PLCXD1: variants seen among roughly 807,000 people sequenced by gnomAD.
The protein encoded by PLCXD1 is PI-PLC X domain-containing protein 1.
A neutral mutation model predicts 37.8 loss-of-function variants in PLCXD1; 45 were observed. The observed-to-expected ratio is 1.19, with a 90% CI of 0.94 to 1.53. The LOEUF (loss-of-function observed/expected upper bound fraction) is 1.53, where lower values mean the gene tolerates loss of function less well. PLCXD1 is among the 40% of genes most tolerant of loss of function. The pLI, the probability that PLCXD1 is intolerant of heterozygous loss-of-function variation, is 0.00. For missense variants in PLCXD1, 539 were observed against 454.7 expected, an observed-to-expected ratio of 1.19 and a Z score of -1.69; for synonymous variants, 246 against 206.9, an observed-to-expected ratio of 1.19 and a Z score of -1.62.
In PLCXD1 at chrX:288,861, G is replaced by A. The variant is rs367656150; in HGVS notation, c.256G>A (p.Val86Ile). The change falls in exon 3 of 7, where the codon GTC (valine) becomes ATC (isoleucine). Residue 86 changes from valine (V) to isoleucine (I), a missense_variant. Val to Ile is a conservative substitution (Grantham distance 29, BLOSUM62 3). Coordinates refer to ENST00000381657, the MANE Select transcript of PLCXD1 (RefSeq NM_018390.4). Reference protein sequence around the residue: ...ITRPVVLKWSVTQALDVTEQL... With the variant: ...ITRPVVLKWSITQALDVTEQL... ...GCGCCCTGTCGTGCTGAAATGGTCC[G>A]TCACCCAGGTACGGTCTGTGCCCCG... The A allele has an allele frequency of 4.3e-5, 70 of 1,612,496 alleles. No homozygotes were observed. In the African/African-American group the frequency reaches 5.3e-4, roughly 12 times the overall value.
chrX:287,444 CTATA>C (rs998419311), intron 2 of PLCXD1, among the ~76,000 whole-genome samples: 2 of 126,300 alleles, frequency 1.6e-5, no homozygotes, highest in South Asian at 2.4e-4. Flanking sequence ...TATATATACA[CTATA>C]TATGTTTATA....
At chrX:276,746 G>A (rs1032922868), upstream of PLCXD1, among the ~76,000 whole-genome samples, 20 of 152,168 alleles carry the variant, frequency 1.3e-4, no homozygotes, top group Admixed American at 8.5e-4. Flanking sequence ...TCACCCTGCC[G>A]CCGGGGCCTG....
chrX:289,612 C>T (rs967573606), intron 3 of PLCXD1, among the ~76,000 whole-genome samples: 51 of 149,640 alleles, frequency 3.4e-4, no homozygotes, highest in African/African-American at 8.8e-4. Context: ...CCCGGGTTCA[C>T]GCCATTCTCC....
chrX:294,288 C>T (rs2069731779), intron 6 of PLCXD1, among the ~76,000 whole-genome samples: 2 of 152,080 alleles, frequency 1.3e-5, no homozygotes, highest in African/African-American at 2.4e-5. Context: ...CGAGACCATC[C>T]CGGCTAACAT....
In PLCXD1 at chrX:302,898, T is replaced by A. The variant is rs1231844075; in HGVS notation, c.*3563T>A. 6.6e-6 allele frequency: 1 copy of A among 152,138 alleles called. No individual in the cohort carries two copies. Among genetic ancestry groups the A allele is most frequent in the East Asian group, 1.9e-4 (1 of 5,188 alleles). 9.4% of individuals were successfully genotyped at this position (152,138 alleles called of 1,614,324 possible). ...CTATACCTCATTTTCTACATGTCGCTTGTTGGAGCTGCTGGTTCAAGTTCC... is the reference window on the plus strand; with the variant it reads ...CTATACCTCATTTTCTACATGTCGCATGTTGGAGCTGCTGGTTCAAGTTCC... On this transcript the variant is annotated 3_prime_UTR_variant, in exon 7 of 7. Transcript: ENST00000381657.
chrX:293,880 G>C (rs769858372), intron 6 of PLCXD1, among the ~76,000 whole-genome samples: 16 of 152,304 alleles, frequency 1.1e-4, no homozygotes, highest in African/African-American at 3.8e-4. Context: ...GGGGAAATGA[G>C]GACTGACTGC....
chrX:283,272 A>AC (rs1483038712), intron 1 of PLCXD1: 1 of 150,128 alleles, frequency 6.7e-6, no homozygotes, highest in Non-Finnish European at 1.5e-5. Context: ...AAAAAAAAAA[A>AC]ACCAAGGCGA....
At chrX:287,655 TTTATGGATATAGATA>T (rs2069500237) in intron 2 of PLCXD1, among the ~76,000 whole-genome samples, 5 of 104,336 alleles carry the variant, frequency 4.8e-5, no homozygotes, top group Non-Finnish European at 8.8e-5. Flanking sequence ...ACTATATATG[TTTATGGATATAGATA>T]CTATATATCT....
At position 299,220 on chromosome X, in the gene PLCXD1, A is replaced by C; in HGVS notation, c.857A>C (p.Glu286Ala). The C allele has an allele frequency of 6.2e-7, 1 of 1,613,846 alleles. No homozygotes were observed. Among genetic ancestry groups the C allele is most frequent in the Non-Finnish European group, 8.5e-7 (1 of 1,179,846 alleles). Residue 286 changes from glutamate (E) to alanine (A), a missense_variant, in exon 7 of 7, where the codon GAG becomes GCG. By Grantham distance (107) the Glu-to-Ala change is moderately radical. Coordinates refer to ENST00000381657, the MANE Select transcript of PLCXD1 (RefSeq NM_018390.4). ...CCGCGGCTGAGCGCGTGGGTCCGAGAGCAGTGCCCGGGGCCGGGTTCACGG... is the reference window on the plus strand; with the variant it reads ...CCGCGGCTGAGCGCGTGGGTCCGAGCGCAGTGCCCGGGGCCGGGTTCACGG... ...NLPRLSAWVR[E>A]QCPGPGSRCT... is the part of the protein sequence containing the mutation.
chrX:279,103 AG>A (rs1490395443), upstream of PLCXD1, among the ~76,000 whole-genome samples: 1 of 152,164 alleles, frequency 6.6e-6, no homozygotes, highest in South Asian at 2.1e-4. Flanking sequence ...TCAGCAGAGG[AG>A]GGATTGCAAG....
chrX:303,111 C>A lies in PLCXD1; in HGVS notation c.*3776C>A, dbSNP rs372711529. 6.4e-4 allele frequency: 98 copies of A among 152,234 alleles called. No homozygotes were observed. Among genetic ancestry groups the A allele is most frequent in the African/African-American group, 2.3e-3 (95 of 41,536 alleles). The allele number at this position is 152,234 out of a possible 1,614,324, so 9.4% of individuals were successfully genotyped here. ...AAAATCCGCTTCTACTTTTGGTACC[C>A]GGTTGCTACGGTGAAATGAAGGTGC... On this transcript the variant is annotated 3_prime_UTR_variant, in exon 7 of 7. Coordinates refer to ENST00000381657, the MANE Select transcript of PLCXD1 (RefSeq NM_018390.4).
rs750176695 is a variant in PLCXD1 at position 293,003 on chromosome X, C to T, written c.550-32C>T. On this transcript the variant is annotated intron_variant, in intron 5 of 6. Coordinates refer to ENST00000381657, the MANE Select transcript of PLCXD1 (RefSeq NM_018390.4). ...CCAGGTGCCCCCGGCTCTCCTCTCT[C>T]CCCTGCACCCCTTAACTCTGGTCCT... 30 of 1,552,980 alleles carry T rather than the reference C, an allele frequency of 1.9e-5. 2 individuals are homozygous for T. The highest frequency in any genetic ancestry group is 4.7e-4 in the Middle Eastern group (2 of 4,248).
At chrX:290,804 T>TG in intron 4 of PLCXD1, 28 bp downstream of exon 4, 1 of 1,545,116 alleles carries the variant, frequency 6.5e-7, no homozygotes, top group Admixed American at 1.8e-5. Context: ...TGGGACGCAA[T>TG]GGGGAGAGTG....
At chrX:294,850 T>C (rs1036840225) in intron 6 of PLCXD1, among the ~76,000 whole-genome samples, 5 of 150,378 alleles carry the variant, frequency 3.3e-5, no homozygotes, top group African/African-American at 1.2e-4. Flanking sequence ...AGCGATCTGC[T>C]TGAACCACCA....
intron 3 of PLCXD1, 104 bp downstream of exon 3, chrX:288,973 G>A (rs1226080642): frequency 2.7e-6 from 3 of 1,114,434 alleles, no homozygotes; most frequent in Non-Finnish European, 4.0e-6. Context: ...TTTGAGTGGT[G>A]CCCTGTGGGC....
intron 1 of PLCXD1, among the ~76,000 whole-genome samples, chrX:282,134 G>A (rs1210543758): frequency 1.3e-5 from 2 of 152,110 alleles, no homozygotes; most frequent in Non-Finnish European, 2.9e-5. Context: ...TGATTTCTGG[G>A]CTCAAGATCA....
chrX:280,339 AGGCCGTGC>A (rs2069238156), upstream of PLCXD1, among the ~76,000 whole-genome samples: 4 of 54,966 alleles, frequency 7.3e-5, no homozygotes, highest in Non-Finnish European at 1.4e-4. Flanking sequence ...GGGGGAGGGG[AGGCCGTGC>A]AGGGGGAAGG....
intron 2 of PLCXD1, among the ~76,000 whole-genome samples, chrX:287,237 A>G (rs2069473758): frequency 7.0e-6 from 1 of 142,722 alleles, no homozygotes; most frequent in Non-Finnish European, 1.5e-5. Flanking sequence ...ATATTTATAT[A>G]TAATATATAA....
At chrX:284,987 T>C (rs187644922) in intron 2 of PLCXD1, among the ~76,000 whole-genome samples, 41 of 152,118 alleles carry the variant, frequency 2.7e-4, no homozygotes, top group African/African-American at 7.2e-4. Flanking sequence ...GTCCCTCCCA[T>C]GACAGATGGG....
Sources: allele counts gnomAD v4.1 joint callset (sites outside exome capture counted in the v4.1 genomes callset), GRCh38; gene constraint gnomAD v4.1.1; transcripts MANE v1.5; gene names NCBI Gene and HGNC (gene_info 2026-07-23, HGNC 2026-07-21).